Variants in VAT1L observed in about 807,000 individuals in gnomAD.
The protein encoded by VAT1L is vesicle amine transport 1 like, also known as putative NADPH-dependent quinone oxidoreductase VAT1L.
VAT1L carries 34 observed loss-of-function variants against 44.1 expected under a neutral mutation model. That is an observed-to-expected ratio of 0.77 (90% CI 0.59 to 1.03). The LOEUF is 1.03. Ranked by LOEUF, VAT1L falls within the 50% of genes least tolerant of loss-of-function variation. The pLI is 0.00. For missense variants in VAT1L, 615 were observed against 538.8 expected, an observed-to-expected ratio of 1.14 and a Z score of -1.40; for synonymous variants, 253 against 202.2, an observed-to-expected ratio of 1.25 and a Z score of -2.13.
At chr16:77,849,548 C>A (rs115140322) in intron 3 of VAT1L, among the ~76,000 whole-genome samples, 1 of 152,140 alleles carries the variant, frequency 6.6e-6, no homozygotes, top group African/African-American at 2.4e-5. Context: ...TTTACTCTTA[C>A]TACACTCGCA....
chr16:77,958,213 G>A (rs143388515), intron 7 of VAT1L, among the ~76,000 whole-genome samples: 1 of 152,066 alleles, frequency 6.6e-6, no homozygotes. Flanking sequence ...GGCCTTCTTG[G>A]GTTATTTATA....
chr16:77,943,653 C>T (rs752522942), intron 7 of VAT1L, among the ~76,000 whole-genome samples: 13 of 151,448 alleles, frequency 8.6e-5, no homozygotes, highest in African/African-American at 2.9e-4. Context: ...CCGCCTGTCT[C>T]GGCCTCCCAA....
rs1351509294 is a variant in VAT1L at position 77,979,863 on chromosome 16, C to T, written c.*2168C>T. 3.9e-5 allele frequency: 6 copies of T among 152,608 alleles called. No individual in the cohort carries two copies. The highest frequency in any genetic ancestry group is 1.3e-4 in the Admixed American group (2 of 15,278). 9.5% of individuals were successfully genotyped at this position (152,608 alleles called of 1,614,324 possible). A position where few individuals can be genotyped will look rare whatever the true frequency, so the allele number is the denominator to read the frequency against. The stretch of plus-strand genomic sequence containing the variant: ...CGGGGGACGCAAGTTAATTGTTTAA[C>T]GTACTCTCATTTTAAGCACCTTCTT... On this transcript the variant is annotated 3_prime_UTR_variant, in exon 9 of 9. Transcript: ENST00000302536.
intron 7 of VAT1L, among the ~76,000 whole-genome samples, chr16:77,930,775 G>C (rs1276735919): frequency 6.6e-6 from 1 of 152,112 alleles, no homozygotes; most frequent in Non-Finnish European, 1.5e-5. Flanking sequence ...AGGGGGCATG[G>C]AGAGAACACT....
chr16:77,868,032 A>C (rs1466133630), intron 4 of VAT1L, among the ~76,000 whole-genome samples: 1 of 152,240 alleles, frequency 6.6e-6, no homozygotes, highest in Non-Finnish European at 1.5e-5. Flanking sequence ...AGCTTAAAAT[A>C]TCATGAGTCA....
At chr16:77,919,983 C>G (rs991047427) in intron 7 of VAT1L, among the ~76,000 whole-genome samples, 1 of 152,058 alleles carries the variant, frequency 6.6e-6, no homozygotes, top group African/African-American at 2.4e-5. Flanking sequence ...TCTTGAGAGT[C>G]TGACATACGA....
intron 3 of VAT1L, among the ~76,000 whole-genome samples, chr16:77,850,125 T>A (rs2016793986): frequency 1.3e-5 from 2 of 152,278 alleles, no homozygotes; most frequent in African/African-American, 2.4e-5. Context: ...GCCTTTGCTT[T>A]CTGCCAGGCA....
At chr16:77,936,901 T>TG (rs57719199) in intron 7 of VAT1L, among the ~76,000 whole-genome samples, 1 of 148,758 alleles carries the variant, frequency 6.7e-6, no homozygotes, top group Non-Finnish European at 1.5e-5. Context: ...TTTGTTTGTT[T>TG]TTGAGACGGA....
chr16:77,973,212 A>G (rs393395), intron 8 of VAT1L, among the ~76,000 whole-genome samples: 131,562 of 152,188 alleles, frequency 0.86, 57,555 homozygotes, highest in East Asian at 0.96. Context: ...TTGATCCCCT[A>G]TCGGTAAAGT....
intron 7 of VAT1L, among the ~76,000 whole-genome samples, chr16:77,885,122 A>C (rs924515107): frequency 6.6e-6 from 1 of 152,204 alleles, no homozygotes; most frequent in African/African-American, 2.4e-5. Flanking sequence ...GGCATCATAC[A>C]TATTGTCACC....
chr16:77,814,950 C>T (rs2016326903), intron 1 of VAT1L, among the ~76,000 whole-genome samples: 2 of 152,144 alleles, frequency 1.3e-5, no homozygotes, highest in South Asian at 4.1e-4. Context: ...TACGTGGCAC[C>T]ACATGTCAGT....
chr16:77,868,110 T>C (rs1241833267), intron 4 of VAT1L, among the ~76,000 whole-genome samples: 1 of 152,172 alleles, frequency 6.6e-6, no homozygotes, highest in Non-Finnish European at 1.5e-5. Flanking sequence ...AAATTTACAT[T>C]AGCCTACAGT....
At chr16:77,963,572 C>A (rs1199572395) in intron 7 of VAT1L, among the ~76,000 whole-genome samples, 1 of 151,772 alleles carries the variant, frequency 6.6e-6, no homozygotes, top group Non-Finnish European at 1.5e-5. Context: ...TCATCTGTTA[C>A]AGTAATAATA....
intron 7 of VAT1L, among the ~76,000 whole-genome samples, chr16:77,903,636 C>T (rs1042539121): frequency 3.3e-5 from 5 of 151,860 alleles, no homozygotes; most frequent in African/African-American, 9.7e-5. Context: ...ATTTGGAGAT[C>T]GCCTTGGGTG....
Position 77,884,474 on chromosome 16 carries a change from C to A in VAT1L, c.883-134C>A. On this transcript the variant is annotated intron_variant, in intron 6 of 8. Coordinates refer to ENST00000302536, the MANE Select transcript of VAT1L (RefSeq NM_020927.3). The surrounding 1 kb of genome is among the most constrained non-coding windows in gnomAD (Gnocchi z 4.5). ...AAAAAATACACCACCAAGAGCAACC[C>A]CTTGGCCAGCTGGAATCTGCTGAGC... is the stretch of plus-strand genomic sequence containing the variant. 1.4e-6 allele frequency: 1 copy of A among 731,296 alleles called. No homozygotes were observed. Among genetic ancestry groups the A allele is most frequent in the Non-Finnish European group, 2.1e-6 (1 of 473,874 alleles). 45.3% of individuals were successfully genotyped at this position (731,296 alleles called of 1,614,324 possible). A position where few individuals can be genotyped will look rare whatever the true frequency, so the allele number is the denominator to read the frequency against.
intron 7 of VAT1L, among the ~76,000 whole-genome samples, chr16:77,945,278 C>CTTTTTTTTTTTCTT (rs2017946570): frequency 1.2e-5 from 1 of 83,030 alleles, no homozygotes. Context: ...GATTGCAGAA[C>CTTTTTTTTTTTCTT]TTTTTTTTTT....
At position 77,917,450 on chromosome 16, in the gene VAT1L, G is replaced by A. The variant is rs1345621942; in HGVS notation, c.1077+32648G>A. Reference sequence around the variant, plus strand: ...AAGGAACTCAGGTTTCAGTGCAAATGTAACAGAGATAATTAAATTCATCCT... The same window carrying A: ...AAGGAACTCAGGTTTCAGTGCAAATATAACAGAGATAATTAAATTCATCCT... On this transcript the variant is annotated intron_variant, in intron 7 of 8. Transcript: ENST00000302536. 2.0e-5 allele frequency among the ~76,000 whole-genome samples: 3 copies of A among 152,214 alleles called. No individual in the cohort carries two copies. The East Asian group carries it at 5.8e-4, about 29-fold the overall frequency.
chr16:77,788,971 A>T, intron 1 of VAT1L, 56 bp downstream of exon 1: 8,139 of 1,122,316 alleles, frequency 7.3e-3, no homozygotes, highest in Non-Finnish European at 9.1e-3. Flanking sequence ...GGCGCTGGGG[A>T]GGGGGTGGGA....
intron 7 of VAT1L, among the ~76,000 whole-genome samples, chr16:77,889,770 G>C (rs1018871039): frequency 6.6e-6 from 1 of 152,208 alleles, no homozygotes; most frequent in Non-Finnish European, 1.5e-5. Flanking sequence ...AACTGGCTTT[G>C]AAAACAAGAG....
Sources: gnomAD v4.1 joint callset for allele counts (sites outside exome capture counted in the v4.1 genomes callset) on GRCh38, gnomAD v4.1.1 for gene constraint, Gnocchi (gnomAD v3.1) non-coding constraint, MANE v1.5 for transcripts, NCBI Gene and HGNC (gene_info 2026-07-23, HGNC 2026-07-21) for gene names.